The following TEAD1 variants were observed in gnomAD, a reference collection of about 807,000 sequenced individuals.
TEAD1 encodes transcriptional enhancer factor TEF-1.
A neutral mutation model predicts 54.9 loss-of-function variants in TEAD1; 9 were observed. The ratio of observed to expected loss-of-function variants is 0.16; its 90% CI spans 0.10 to 0.29. The LOEUF is 0.29. TEAD1 is among the 10% of genes least tolerant of loss of function. TEAD1 has a pLI of 1.00. For missense variants in TEAD1, 387 were observed against 535.9 expected (o/e 0.72, Z 2.74); for synonymous variants, 200 against 187.8 (o/e 1.07, Z -0.53).
At chr11:12,915,691 A>G (rs930310903) in intron 10 of TEAD1, among the ~76,000 whole-genome samples, 6 of 152,192 alleles carry the variant, frequency 3.9e-5, no homozygotes, top group African/African-American at 1.2e-4. Context: ...CTACTAAAAA[A>G]TACAAAAATT....
At chr11:12,871,075 G>A (rs1947736407) in intron 5 of TEAD1, among the ~76,000 whole-genome samples, 2 of 152,170 alleles carry the variant, frequency 1.3e-5, no homozygotes, top group African/African-American at 4.8e-5. Context: ...CCCACAGCCT[G>A]TAGCTGGGCC....
intron 3 of TEAD1, among the ~76,000 whole-genome samples, chr11:12,768,066 C>A (rs1945243276): frequency 6.6e-6 from 1 of 152,194 alleles, no homozygotes; most frequent in South Asian, 2.1e-4. Flanking sequence ...CTGAAAATCC[C>A]AGTCAGATAG....
intron 2 of TEAD1, among the ~76,000 whole-genome samples, chr11:12,726,386 G>T (rs1039812342): frequency 1.3e-5 from 2 of 152,164 alleles, no homozygotes; most frequent in Non-Finnish European, 2.9e-5. Context: ...CAGATACTAG[G>T]CTCTGAGACT....
At chr11:12,936,924 G>A (rs941610089) in intron 12 of TEAD1, among the ~76,000 whole-genome samples, 185 bp from the exon 13 acceptor site, 3 of 152,096 alleles carry the variant, frequency 2.0e-5, no homozygotes, top group South Asian at 2.1e-4. Flanking sequence ...TGATAACCAC[G>A]TTTAGATGGG....
At chr11:12,835,600 G>T (rs1027188535) in intron 3 of TEAD1, among the ~76,000 whole-genome samples, 1 of 152,066 alleles carries the variant, frequency 6.6e-6, no homozygotes, top group Admixed American at 6.5e-5. Flanking sequence ...GATTATAGGC[G>T]TGAGCCACCG....
chr11:12,878,374 C>T (rs548587731), intron 5 of TEAD1, among the ~76,000 whole-genome samples: 25 of 152,250 alleles, frequency 1.6e-4, no homozygotes, highest in African/African-American at 5.8e-4. Context: ...TCTGCTGGTA[C>T]TTGGTGTCTT....
intron 12 of TEAD1, among the ~76,000 whole-genome samples, chr11:12,933,513 A>G (rs1949049255): frequency 6.6e-6 from 1 of 152,202 alleles, no homozygotes; most frequent in African/African-American, 2.4e-5. Context: ...TGTAAATGCT[A>G]TGTAAATAGT....
At chr11:12,884,327 G>A (rs1220492537) in intron 9 of TEAD1, among the ~76,000 whole-genome samples, 2 of 152,176 alleles carry the variant, frequency 1.3e-5, no homozygotes, top group African/African-American at 4.8e-5. Context: ...GTTTGTCTCT[G>A]AGATCCTCAC....
chr11:12,675,101 C>T (rs1335011715), intron 1 of TEAD1, among the ~76,000 whole-genome samples: 1 of 146,578 alleles, frequency 6.8e-6, no homozygotes, highest in Non-Finnish European at 1.5e-5. Context: ...AGGCGGCCCC[C>T]GGCCGGCCGC....
intron 2 of TEAD1, among the ~76,000 whole-genome samples, chr11:12,691,183 C>T (rs773385451): frequency 3.3e-5 from 5 of 152,102 alleles, no homozygotes; most frequent in Non-Finnish European, 7.3e-5. Context: ...TTATTGAATG[C>T]GTTTCAGTCC....
At chr11:12,917,263 G>A (rs147751235) in intron 10 of TEAD1, among the ~76,000 whole-genome samples, 20 of 152,234 alleles carry the variant, frequency 1.3e-4, no homozygotes, top group Non-Finnish European at 1.0e-4. Context: ...AAGGGGCTCC[G>A]GGACAAGGAA....
At chr11:12,864,617 T>TTTG in intron 4 of TEAD1, 1 of 954,542 alleles carries the variant, frequency 1.0e-6, no homozygotes. Context: ...TTGATTTCCT[T>TTTG]TTTTGTTTTG....
rs1233277824 is a variant in TEAD1, at chr11:12,941,259, G to GC, written c.*4038dup. 5 of 152,210 alleles carry GC rather than the reference G, an allele frequency of 3.3e-5. No homozygotes were observed. Among genetic ancestry groups the GC allele is most frequent in the African/African-American group, 1.2e-4 (5 of 41,438 alleles). The allele number at this position is 152,210 out of a possible 1,614,324, so 9.4% of individuals were successfully genotyped here. ...CCATTGCTATCTGAGGCATCCACAA[G>GC]CAGGTAGGAAAGCTGGCGAGCCATT... On this transcript the variant is annotated 3_prime_UTR_variant, in exon 13 of 13. Coordinates refer to ENST00000527636, the MANE Select transcript of TEAD1 (RefSeq NM_021961.6).
At position 12,766,919 on chromosome 11, in the gene TEAD1, C is replaced by A. The variant is rs147239024; in HGVS notation, c.202+2485C>A. 2.0e-3 allele frequency among the ~76,000 whole-genome samples: 309 copies of A among 152,228 alleles called. 2 individuals carry two copies. Among genetic ancestry groups the A allele is most frequent in the African/African-American group, 7.0e-3 (291 of 41,534 alleles). On this transcript the variant is annotated intron_variant, in intron 3 of 12. Transcript: ENST00000527636. ...TCAGAAGATGCGTTGGATGCACTGT[C>A]CTGCAGCCACCCCCACCTCCAGGCA...
intron 2 of TEAD1, among the ~76,000 whole-genome samples, chr11:12,732,425 A>T (rs1316810474): frequency 2.0e-5 from 3 of 152,084 alleles, no homozygotes; most frequent in Non-Finnish European, 4.4e-5. Flanking sequence ...GTGAATATAT[A>T]TTTTTTTGAT....
At chr11:12,714,431 G>T (rs1432230589) in intron 2 of TEAD1, among the ~76,000 whole-genome samples, 4 of 152,112 alleles carry the variant, frequency 2.6e-5, no homozygotes, top group East Asian at 1.9e-4. Flanking sequence ...TCATTCTGTT[G>T]CCCAGGCTGG....
At chr11:12,890,074 G>A (rs1948169111) in intron 9 of TEAD1, among the ~76,000 whole-genome samples, 1 of 152,152 alleles carries the variant, frequency 6.6e-6, no homozygotes, top group Non-Finnish European at 1.5e-5. Context: ...GCACTTATGA[G>A]CTCTGTATTA....
chr11:12,906,686 T>G (rs1948528421), intron 10 of TEAD1, among the ~76,000 whole-genome samples: 1 of 152,192 alleles, frequency 6.6e-6, no homozygotes, highest in Non-Finnish European at 1.5e-5. Context: ...TGTAGTTAGT[T>G]CTTATTTCCA....
At chr11:12,865,844 T>C (rs915748345) in intron 5 of TEAD1, among the ~76,000 whole-genome samples, 3 of 152,236 alleles carry the variant, frequency 2.0e-5, no homozygotes, top group Non-Finnish European at 2.9e-5. Flanking sequence ...TTGGCACATA[T>C]TGATGGCTTT....
Sources: allele counts gnomAD v4.1 joint callset (sites outside exome capture counted in the v4.1 genomes callset), GRCh38; gene constraint gnomAD v4.1.1; transcripts MANE v1.5; gene names NCBI Gene and HGNC (gene_info 2026-07-23, HGNC 2026-07-21).